The following RBM27 variants were observed in gnomAD, a reference collection of about 807,000 sequenced individuals.
The protein encoded by RBM27 is RNA binding motif protein 27.
Under a neutral mutation model 135.3 loss-of-function variants are expected in RBM27, and 22 were observed. That is an observed-to-expected ratio of 0.16 (90% confidence interval 0.12 to 0.23). The LOEUF (loss-of-function observed/expected upper bound fraction) is 0.23. Among genes scored for constraint, RBM27 ranks in the 10% least tolerant of loss-of-function variants. RBM27 has a pLI of 1.00. For synonymous variants in RBM27, 481 were observed against 442.4 expected, an observed-to-expected ratio of 1.09 and a Z score of -1.10; for missense variants, 1,009 against 1,281.0, an observed-to-expected ratio of 0.79 and a Z score of 3.24.
intron 10 of RBM27, among the ~76,000 whole-genome samples, chr5:146,255,785 A>G (rs185285983): frequency 2.0e-4 from 30 of 152,160 alleles, no homozygotes; most frequent in Non-Finnish European, 8.8e-5. Context: ...CACTGACACA[A>G]TAGTTTTTTG....
intron 6 of RBM27, among the ~76,000 whole-genome samples, chr5:146,232,104 G>A (rs1455299691): frequency 4.6e-5 from 7 of 152,104 alleles, no homozygotes; most frequent in Non-Finnish European, 1.0e-4. Context: ...CAGTGTATCC[G>A]TTACATCATT....
intron 1 of RBM27, among the ~76,000 whole-genome samples, chr5:146,213,772 AAG>A (rs1756076312): frequency 6.6e-6 from 1 of 152,224 alleles, no homozygotes; most frequent in South Asian, 2.1e-4. Flanking sequence ...ATTTCATTAA[AAG>A]GGGAAAAAGA....
At chr5:146,264,224 C>A (rs1758518227) in intron 14 of RBM27, among the ~76,000 whole-genome samples, 1 of 152,090 alleles carries the variant, frequency 6.6e-6, no homozygotes, top group East Asian at 1.9e-4. Flanking sequence ...GCTCTTGTTG[C>A]CCAGGCTGGA....
chr5:146,285,742 A>G (rs1759552098), intron 20 of RBM27, among the ~76,000 whole-genome samples: 1 of 151,948 alleles, frequency 6.6e-6, no homozygotes, highest in Non-Finnish European at 1.5e-5. Flanking sequence ...AAAAGTAGCA[A>G]AATTAGCAGG....
At chr5:146,218,172 A>G (rs1756295192) in intron 1 of RBM27, among the ~76,000 whole-genome samples, 1 of 152,202 alleles carries the variant, frequency 6.6e-6, no homozygotes, top group Admixed American at 6.5e-5. Context: ...TATGTTTACA[A>G]CAAGAAAACT....
intron 8 of RBM27, among the ~76,000 whole-genome samples, chr5:146,245,526 C>T (rs1757589253): frequency 6.6e-6 from 1 of 152,142 alleles, no homozygotes; most frequent in African/African-American, 2.4e-5. Flanking sequence ...AAATCTTTAT[C>T]TTTCAGAAAA....
At chr5:146,239,643 A>G (rs1447673249) in intron 8 of RBM27, among the ~76,000 whole-genome samples, 1 of 151,710 alleles carries the variant, frequency 6.6e-6, no homozygotes, top group Non-Finnish European at 1.5e-5. Context: ...ATACCCAGCT[A>G]ATCTTTTTGT....
Position 146,281,175 on chromosome 5 carries a change from A to AT in RBM27, c.2989-3439dup, listed in dbSNP as rs369042701. ...TCTATTTAATGCCACATTTTTCTCA[A>AT]TTTTTTTTGTTTTCTTGGTGATTAA... On this transcript the variant is annotated intron_variant, in intron 19 of 20. Coordinates refer to ENST00000265271, the MANE Select transcript of RBM27 (RefSeq NM_018989.2). 5.7e-3 allele frequency among the ~76,000 whole-genome samples: 858 copies of AT among 151,732 alleles called. 10 individuals carry two copies. The highest frequency in any genetic ancestry group is 0.02 in the African/African-American group (825 of 41,352).
chr5:146,216,232 A>G (rs187393720), intron 1 of RBM27, among the ~76,000 whole-genome samples: 5 of 152,142 alleles, frequency 3.3e-5, no homozygotes, highest in East Asian at 1.9e-4. Flanking sequence ...AATTTTTTGT[A>G]GAAGCAGGTT....
intron 14 of RBM27, among the ~76,000 whole-genome samples, chr5:146,263,968 G>A (rs1352800179): frequency 8.6e-5 from 13 of 151,840 alleles, no homozygotes; most frequent in Non-Finnish European, 8.8e-5. Context: ...TTAGCTGGGC[G>A]TGGTGGCAGA....
chr5:146,263,348 A>G, intron 13 of RBM27, 143 bp from the exon 14 acceptor site: 1 of 768,676 alleles, frequency 1.3e-6, no homozygotes, highest in South Asian at 2.0e-5. Context: ...TTCCCCTTAA[A>G]AAATAAAACC....
At chr5:146,242,262 A>G (rs1179277928) in intron 8 of RBM27, among the ~76,000 whole-genome samples, 1 of 152,204 alleles carries the variant, frequency 6.6e-6, no homozygotes, top group Non-Finnish European at 1.5e-5. Context: ...ATTTTATGAA[A>G]TAGCACTACA....
chr5:146,205,192 C>G (rs1755576709), intron 1 of RBM27, among the ~76,000 whole-genome samples: 1 of 152,228 alleles, frequency 6.6e-6, no homozygotes. Flanking sequence ...GCCACTGGAC[C>G]CGGCCATGTT....
chr5:146,252,730 TAAACACATTGAAATTTA>T (rs920032182), intron 9 of RBM27, among the ~76,000 whole-genome samples: 2 of 152,222 alleles, frequency 1.3e-5, no homozygotes, highest in African/African-American at 4.8e-5. Context: ...GTGTCATCCT[TAAACACATTGAAATTTA>T]ATAAGCAACT....
At chr5:146,273,780 A>C (rs556126755) in intron 19 of RBM27, among the ~76,000 whole-genome samples, 1 of 152,190 alleles carries the variant, frequency 6.6e-6, no homozygotes, top group African/African-American at 2.4e-5. Flanking sequence ...CCATATCTAT[A>C]TGAGAAAATG....
At chr5:146,261,032 T>A (rs1758374060) in intron 12 of RBM27, 134 bp downstream of exon 12, 1 of 836,390 alleles carries the variant, frequency 1.2e-6, no homozygotes, top group Non-Finnish European at 1.9e-6. Context: ...TGCCACCATA[T>A]ATCTATATAC....
chr5:146,271,003 C>T lies in RBM27; in HGVS notation c.2741C>T (p.Ser914Phe). Reference protein sequence around the residue: ...DTELDLHKRLSSGEDTTELRK... With the variant: ...DTELDLHKRLFSGEDTTELRK... ...GAACTGGACCTCCACAAGAGGCTGTCCTCAGGAGAAGACACCACAGAATTA... is the reference window on the plus strand; with the variant it reads ...GAACTGGACCTCCACAAGAGGCTGTTCTCAGGAGAAGACACCACAGAATTA... The change falls in exon 18 of 21, where the codon TCC (serine) becomes TTC (phenylalanine). Residue 914 changes from serine to phenylalanine, a missense_variant. Transcript: ENST00000265271. 6.2e-7 allele frequency: 1 copy of T among 1,613,738 alleles called. No homozygotes were observed. The highest frequency in any genetic ancestry group is 8.5e-7 in the Non-Finnish European group (1 of 1,179,746).
rs765827392 is a variant in RBM27 at position 146,267,731 on chromosome 5, A to C, written c.2414A>C (p.Lys805Thr). 1 of 1,610,536 alleles carries C rather than the reference A, an allele frequency of 6.2e-7. No homozygotes were observed. Among genetic ancestry groups the C allele is most frequent in the South Asian group, 1.1e-5 (1 of 90,332 alleles). The change falls in exon 15 of 21, where the codon AAA becomes ACA. Residue 805 changes from lysine to threonine, a missense_variant. By Grantham distance (78) the Lys-to-Thr change is moderately conservative. Transcript: ENST00000265271. ...KTPSKLCSGS[K>T]SHDVQEVLKK... ...CCTTCAAAGCTCTGTTCAGGGTCTAAATCTCATGATGTTCAAGAAGTGCTT... is the reference window on the plus strand; with the variant it reads ...CCTTCAAAGCTCTGTTCAGGGTCTACATCTCATGATGTTCAAGAAGTGCTT...
At chr5:146,213,552 A>C (rs764651655) in intron 1 of RBM27, among the ~76,000 whole-genome samples, 1 of 152,212 alleles carries the variant, frequency 6.6e-6, no homozygotes, top group Non-Finnish European at 1.5e-5. Context: ...CATATTCAGA[A>C]ACATGTAAAT....
Sources: gnomAD v4.1 joint callset for allele counts (sites outside exome capture counted in the v4.1 genomes callset) on GRCh38, gnomAD v4.1.1 for gene constraint, MANE v1.5 for transcripts, NCBI Gene and HGNC (gene_info 2026-07-23, HGNC 2026-07-21) for gene names.